Variants in GABRB3 observed in about 807,000 individuals in gnomAD.
GABRB3 encodes gamma-aminobutyric acid receptor subunit beta-3.
In GABRB3, 14 loss-of-function variants were observed where a neutral mutation model predicts 52.1. The observed-to-expected ratio is 0.27, with a 90% CI of 0.18 to 0.42. The LOEUF (loss-of-function observed/expected upper bound fraction) is 0.42. GABRB3 is among the 10% of genes least tolerant of loss of function. The pLI, the probability that GABRB3 is intolerant of heterozygous loss-of-function variation, is 1.00. For synonymous variants in GABRB3, 260 were observed against 232.3 expected, an observed-to-expected ratio of 1.12 and a Z score of -1.08; for missense variants, 307 against 609.1, an observed-to-expected ratio of 0.50 and a Z score of 5.22.
At chr15:26,719,695 C>A (rs1422527517) in intron 3 of GABRB3, among the ~76,000 whole-genome samples, 1 of 152,180 alleles carries the variant, frequency 6.6e-6, no homozygotes, top group Non-Finnish European at 1.5e-5. Flanking sequence ...TACGTCAGAT[C>A]ATCAGTTTGG....
At chr15:26,660,530 G>A (rs1209614680) in intron 3 of GABRB3, among the ~76,000 whole-genome samples, 1 of 152,168 alleles carries the variant, frequency 6.6e-6, no homozygotes, top group Non-Finnish European at 1.5e-5. Flanking sequence ...AAAATGCTTT[G>A]ACAGTAAGGA....
At chr15:26,562,050 T>C (rs1028201574) in intron 7 of GABRB3, among the ~76,000 whole-genome samples, 4 of 152,182 alleles carry the variant, frequency 2.6e-5, no homozygotes, top group Admixed American at 6.5e-5. Context: ...GTGTGGACCA[T>C]GTATTGCAAT....
chr15:26,606,704 GT>G (rs1386271000), intron 4 of GABRB3, among the ~76,000 whole-genome samples: 3 of 9,690 alleles, frequency 3.1e-4, no homozygotes, highest in Non-Finnish European at 1.7e-3. Flanking sequence ...AAAAGAACAA[GT>G]AAGAAGTAAA....
chr15:26,770,507 A>T (rs915436653), intron 3 of GABRB3, among the ~76,000 whole-genome samples: 2 of 152,258 alleles, frequency 1.3e-5, no homozygotes, highest in African/African-American at 4.8e-5. Flanking sequence ...TGAAGTTTTT[A>T]AACGTACCAA....
chr15:26,562,898 T>C (rs1475148773), intron 7 of GABRB3, among the ~76,000 whole-genome samples: 1 of 152,248 alleles, frequency 6.6e-6, no homozygotes, highest in Non-Finnish European at 1.5e-5. Flanking sequence ...AAATCCAAGA[T>C]GTCAGAATAT....
intron 3 of GABRB3, among the ~76,000 whole-genome samples, chr15:26,711,383 A>G (rs577636396): frequency 6.6e-6 from 1 of 151,868 alleles, no homozygotes; most frequent in African/African-American, 2.4e-5. Context: ...TGGCCCTCCG[A>G]CCCCCTTGGA....
chr15:26,611,470 T>C (rs1236504031), intron 4 of GABRB3, among the ~76,000 whole-genome samples: 10 of 152,180 alleles, frequency 6.6e-5, no homozygotes, highest in Admixed American at 1.3e-4. Context: ...TAATTTTGTA[T>C]ATAAAATACG....
At chr15:26,728,303 C>T (rs1889824018) in intron 3 of GABRB3, among the ~76,000 whole-genome samples, 1 of 152,168 alleles carries the variant, frequency 6.6e-6, no homozygotes. Context: ...GCAAAGTGTC[C>T]CCTCCATGTA....
At chr15:26,707,882 T>C (rs1889156585) in intron 3 of GABRB3, among the ~76,000 whole-genome samples, 1 of 152,172 alleles carries the variant, frequency 6.6e-6, no homozygotes, top group Non-Finnish European at 1.5e-5. Flanking sequence ...TGAGGATCTC[T>C]TATCAGAAAT....
At chr15:26,716,704 T>C (rs1595547990) in intron 3 of GABRB3, 2 of 1,007,152 alleles carry the variant, frequency 2.0e-6, no homozygotes, top group East Asian at 2.1e-4. Flanking sequence ...TATCACCAAC[T>C]GCCTTTCTCT....
chr15:26,562,280 A>C (rs867699473), intron 7 of GABRB3, among the ~76,000 whole-genome samples: 5 of 152,236 alleles, frequency 3.3e-5, no homozygotes, highest in African/African-American at 1.2e-4. Context: ...ATATGTCTCA[A>C]GGAAGCAAGA....
At chr15:26,592,783 G>C (rs1891252966) in intron 4 of GABRB3, among the ~76,000 whole-genome samples, 1 of 152,070 alleles carries the variant, frequency 6.6e-6, no homozygotes, top group African/African-American at 2.4e-5. Context: ...GGGAGGCCGA[G>C]GCGGGTGGAT....
intron 4 of GABRB3, among the ~76,000 whole-genome samples, chr15:26,607,812 C>A (rs1211605482): frequency 1.3e-5 from 2 of 151,610 alleles, no homozygotes; most frequent in Non-Finnish European, 2.9e-5. Context: ...CTATAACATT[C>A]ACAAAAATAA....
At chr15:26,741,518 A>G (rs1185256539) in intron 3 of GABRB3, among the ~76,000 whole-genome samples, 3 of 152,214 alleles carry the variant, frequency 2.0e-5, no homozygotes, top group South Asian at 2.1e-4. Flanking sequence ...CGGTTTATAT[A>G]CATTTATTTC....
chr15:26,772,601 T>G (rs1198379038), intron 2 of GABRB3, 80 bp downstream of exon 2: 2 of 1,429,974 alleles, frequency 1.4e-6, no homozygotes, highest in Non-Finnish European at 1.9e-6. Context: ...GCTCCGCGGA[T>G]GCGGCCCCCG....
chr15:26,628,877 C>T, intron 3 of GABRB3: 1 of 1,251,816 alleles, frequency 8.0e-7, no homozygotes, highest in Non-Finnish European at 1.1e-6. Context: ...AACGGAGGCT[C>T]TCAGGCCTTG....
In GABRB3 at chr15:26,772,673, C is replaced by G. The variant is rs1451838565; in HGVS notation, c.172+8G>C. 2 of 1,565,790 alleles carry G rather than the reference C, an allele frequency of 1.3e-6. No individual in the cohort carries two copies. The highest frequency in any genetic ancestry group is 3.6e-5 in the Admixed American group (2 of 55,598). On this transcript the variant is annotated splice_region_variant and intron_variant, in intron 2 of 8. Coordinates refer to ENST00000311550, the MANE Select transcript of GABRB3 (RefSeq NM_000814.6). ...GCTTCCCGCAACGGCCGCGCGCAGC[C>G]CACTTACCCCCGAAGTCGGGTCTTA...
rs142323525 is a variant in GABRB3, at chr15:26,713,905, G to C, written c.240+58497C>G. On this transcript the variant is annotated intron_variant, in intron 3 of 8. Coordinates refer to ENST00000311550, the MANE Select transcript of GABRB3 (RefSeq NM_000814.6). Reference sequence around the variant, plus strand: ...CCCAGCAGAGGAACCAGGGATCAGAGACGGCTGGTGGAGGTTGAACGGCCA... The same window carrying C: ...CCCAGCAGAGGAACCAGGGATCAGACACGGCTGGTGGAGGTTGAACGGCCA... 3.2e-3 allele frequency among the ~76,000 whole-genome samples: 483 copies of C among 152,344 alleles called. 6 individuals are homozygous for C. The highest frequency in any genetic ancestry group is 0.011 in the African/African-American group (459 of 41,578).
rs535268751 is a variant in GABRB3, at chr15:26,629,236, A to T, written c.241-7702T>A. 3.1e-5 allele frequency: 42 copies of T among 1,372,138 alleles called. No homozygotes were observed. In the East Asian group the frequency reaches 1.1e-3, roughly 35 times the overall value. The allele number at this position is 1,372,138 out of a possible 1,614,324, so 85.0% of individuals were successfully genotyped here. The stretch of plus-strand genomic sequence containing the variant: ...AGGGGCGGGGCCTGGAAAGGAGGGC[A>T]GCGCGGAAGCTTGGCCCCGAGAGGG... On this transcript the variant is annotated intron_variant, in intron 3 of 8. Coordinates refer to ENST00000311550, the MANE Select transcript of GABRB3 (RefSeq NM_000814.6).
Sources: gnomAD v4.1 joint callset for allele counts (sites outside exome capture counted in the v4.1 genomes callset) on GRCh38, gnomAD v4.1.1 for gene constraint, MANE v1.5 for transcripts, NCBI Gene and HGNC (gene_info 2026-07-23, HGNC 2026-07-21) for gene names.